The following GPC5 variants were observed in gnomAD, a reference collection of about 807,000 sequenced individuals.
The protein encoded by GPC5 is glypican-5.
Under a neutral mutation model 53.9 loss-of-function variants are expected in GPC5, and 47 were observed. That is an observed-to-expected ratio of 0.87 (90% CI 0.69 to 1.11). The LOEUF (loss-of-function observed/expected upper bound fraction) is 1.11, where lower values mean the gene tolerates loss of function less well. GPC5 is among the 50% of genes most tolerant of loss of function. The pLI is 0.00. For synonymous variants in GPC5, 286 were observed against 263.3 expected (o/e 1.09, Z -0.84); for missense variants, 748 against 713.1 (o/e 1.05, Z -0.56).
At chr13:92,055,473 G>T (rs955487665) in intron 6 of GPC5, among the ~76,000 whole-genome samples, 1 of 152,196 alleles carries the variant, frequency 6.6e-6, no homozygotes, top group Non-Finnish European at 1.5e-5. Flanking sequence ...GTAGAATTGT[G>T]TGAACCATGT....
intron 7 of GPC5, among the ~76,000 whole-genome samples, chr13:92,563,322 A>G (rs1226110206): frequency 6.6e-6 from 1 of 152,002 alleles, no homozygotes; most frequent in African/African-American, 2.4e-5. Context: ...TAATTGTTCT[A>G]TCTAAGCTTT....
intron 7 of GPC5, among the ~76,000 whole-genome samples, chr13:92,733,589 A>G (rs1888864270): frequency 6.6e-6 from 1 of 151,776 alleles, no homozygotes; most frequent in South Asian, 2.1e-4. Context: ...TAATAATGAA[A>G]AGACAATGAT....
chr13:91,791,996 A>C (rs1227377135), intron 5 of GPC5, among the ~76,000 whole-genome samples: 1 of 152,246 alleles, frequency 6.6e-6, no homozygotes, highest in African/African-American at 2.4e-5. Flanking sequence ...ATTGATAACT[A>C]TCACTTTCTT....
At chr13:92,020,893 C>T (rs1240187291) in intron 6 of GPC5, among the ~76,000 whole-genome samples, 1 of 151,942 alleles carries the variant, frequency 6.6e-6, no homozygotes, top group Non-Finnish European at 1.5e-5. Flanking sequence ...GTATCATATT[C>T]GTGAAATCAT....
chr13:92,442,965 C>A (rs7990928), intron 7 of GPC5, among the ~76,000 whole-genome samples: 31,803 of 152,058 alleles, frequency 0.21, 3,920 homozygotes, highest in East Asian at 0.59. Flanking sequence ...CTGTGTTAGA[C>A]TGTTTTGCAT....
chr13:91,758,008 T>C (rs2037331412), intron 5 of GPC5, among the ~76,000 whole-genome samples: 1 of 152,088 alleles, frequency 6.6e-6, no homozygotes, highest in Non-Finnish European at 1.5e-5. Context: ...ATTTTACTAA[T>C]ATCCTGAATA....
intron 7 of GPC5, among the ~76,000 whole-genome samples, chr13:92,191,209 TACG>T (rs1489293737): frequency 2.0e-5 from 3 of 152,120 alleles, no homozygotes; most frequent in Non-Finnish European, 2.9e-5. Context: ...AGTGTCAAAA[TACG>T]TCAGGCAAAG....
intron 7 of GPC5, among the ~76,000 whole-genome samples, chr13:92,613,186 G>A (rs770603022): frequency 7.0e-6 from 1 of 142,872 alleles, no homozygotes; most frequent in Non-Finnish European, 1.5e-5. Flanking sequence ...AACAGGGACT[G>A]TGTTCGCAAT....
At chr13:91,555,724 G>A (rs1404982461) in intron 2 of GPC5, among the ~76,000 whole-genome samples, 1 of 151,996 alleles carries the variant, frequency 6.6e-6, no homozygotes, top group Non-Finnish European at 1.5e-5. Context: ...GGCTGGGGAG[G>A]CCTCACAATC....
At chr13:92,320,179 G>A (rs1045094374) in intron 7 of GPC5, among the ~76,000 whole-genome samples, 2 of 152,046 alleles carry the variant, frequency 1.3e-5, no homozygotes, top group African/African-American at 4.8e-5. Flanking sequence ...TGGCTCTAAA[G>A]TTTCTTCCCA....
intron 7 of GPC5, among the ~76,000 whole-genome samples, chr13:92,527,982 T>C (rs1489172798): frequency 1.3e-5 from 2 of 152,180 alleles, no homozygotes; most frequent in Non-Finnish European, 2.9e-5. Context: ...ATTCCAATGT[T>C]GATTCATTCA....
At chr13:92,412,961 A>G (rs1342872818) in intron 7 of GPC5, among the ~76,000 whole-genome samples, 1 of 152,242 alleles carries the variant, frequency 6.6e-6, no homozygotes, top group East Asian at 1.9e-4. Context: ...TAATAGACAC[A>G]TTACTGTCAG....
At chr13:92,192,978 C>T (rs923304576) in intron 7 of GPC5, among the ~76,000 whole-genome samples, 1 of 152,068 alleles carries the variant, frequency 6.6e-6, no homozygotes, top group Non-Finnish European at 1.5e-5. Flanking sequence ...AGTTTGAGAC[C>T]AGCCTGGCCA....
chr13:91,908,035 A>G lies in GPC5; in HGVS notation c.1379A>G (p.Asp460Gly), dbSNP rs1253568464. 1 of 1,588,762 alleles carries G rather than the reference A, an allele frequency of 6.3e-7. No individual in the cohort carries two copies. Among genetic ancestry groups the G allele is most frequent in the East Asian group, 2.3e-5 (1 of 44,440 alleles). Residue 460 changes from aspartate to glycine, a missense_variant, in exon 6 of 8, where the codon GAT (aspartate) becomes GGT (glycine). By Grantham distance (94) the Asp-to-Gly change is moderately conservative. Transcript: ENST00000377067. The stretch of plus-strand genomic sequence containing the variant: ...GATCCTGTGATAAATCAGATTATTG[A>G]TAAACTGAAGCATGTTGTTCAGGTA... ...GIDPVINQII[D>G]KLKHVVQLLQ...
At chr13:92,311,278 C>T (rs763259446) in intron 7 of GPC5, among the ~76,000 whole-genome samples, 10 of 152,168 alleles carry the variant, frequency 6.6e-5, no homozygotes, top group Admixed American at 1.3e-4. Context: ...CAGGAACTCT[C>T]CTGGCCACTG....
chr13:91,562,445 A>G (rs1953616), intron 2 of GPC5, among the ~76,000 whole-genome samples: 60,584 of 151,674 alleles, frequency 0.4, 14,189 homozygotes, highest in African/African-American at 0.67. Flanking sequence ...TTCTATGATT[A>G]AACCATTCTT....
chr13:91,781,342 C>T (rs749989816), intron 5 of GPC5, among the ~76,000 whole-genome samples: 3 of 152,176 alleles, frequency 2.0e-5, no homozygotes, highest in Admixed American at 6.5e-5. Flanking sequence ...TACGATAGTG[C>T]GTATGCTGTA....
At chr13:92,347,867 TA>T (rs2043429171) in intron 7 of GPC5, among the ~76,000 whole-genome samples, 1 of 8,474 alleles carries the variant, frequency 1.2e-4, no homozygotes, top group African/African-American at 1.2e-3. Flanking sequence ...ATATATATTA[TA>T]TATATAATAT....
chr13:92,781,027 G>A (rs761166753), intron 7 of GPC5, among the ~76,000 whole-genome samples: 12 of 152,060 alleles, frequency 7.9e-5, no homozygotes, highest in Non-Finnish European at 1.5e-4. Context: ...ACATGTACGT[G>A]CACACGCACA....
Sources: gnomAD v4.1 joint callset for allele counts (sites outside exome capture counted in the v4.1 genomes callset) on GRCh38, gnomAD v4.1.1 for gene constraint, MANE v1.5 for transcripts, NCBI Gene and HGNC (gene_info 2026-07-23, HGNC 2026-07-21) for gene names.